The following ARB2A variants were observed in gnomAD, a reference collection of about 807,000 sequenced individuals.
The protein encoded by ARB2A is cotranscriptional regulator ARB2A.
chr5:93,621,308 C>T, the ARB2A span, among the ~76,000 whole-genome samples: 1 of 151,764 alleles, frequency 6.6e-6, no homozygotes, highest in Admixed American at 6.6e-5. Context: ...CCCCCGCCCC[C>T]TCGCGGGCGC....
the ARB2A span, among the ~76,000 whole-genome samples, chr5:93,684,370 C>T: frequency 5.3e-5 from 8 of 152,100 alleles, no homozygotes; most frequent in South Asian, 2.1e-4. Context: ...GAGGATTAAT[C>T]GACATAAATA....
the ARB2A span, among the ~76,000 whole-genome samples, chr5:93,849,505 T>C: frequency 3.9e-5 from 6 of 152,186 alleles, no homozygotes; most frequent in South Asian, 1.2e-3. Context: ...TTCTACTTGA[T>C]GAATATTCTG....
the ARB2A span, chr5:93,620,168 T>C: frequency 4.6e-5 from 7 of 152,228 alleles, no homozygotes; most frequent in Non-Finnish European, 8.8e-5. Context: ...TGATAACAGT[T>C]GGAAATTCCA....
At chr5:93,761,153 T>C in the ARB2A span, among the ~76,000 whole-genome samples, 1 of 152,166 alleles carries the variant, frequency 6.6e-6, no homozygotes, top group Non-Finnish European at 1.5e-5. Context: ...GGGTGATTTC[T>C]GCATTTCCAA....
chr5:94,107,866 C>T, the ARB2A span, among the ~76,000 whole-genome samples: 1 of 152,276 alleles, frequency 6.6e-6, no homozygotes, highest in East Asian at 1.9e-4. Context: ...AATTCCGAAC[C>T]ACATACTGAG....
chr5:93,934,500 T>A, the ARB2A span, among the ~76,000 whole-genome samples: 29 of 152,186 alleles, frequency 1.9e-4, no homozygotes, highest in Non-Finnish European at 2.9e-4. Flanking sequence ...TCCTCCCCAG[T>A]GTACATCCTA....
At chr5:93,894,409 T>TA in the ARB2A span, among the ~76,000 whole-genome samples, 142 of 148,522 alleles carry the variant, frequency 9.6e-4, 1 homozygote, top group East Asian at 4.3e-3. Flanking sequence ...TTTTTAATAT[T>TA]AAAAAAAAAA....
chr5:93,833,188 T>C, the ARB2A span, among the ~76,000 whole-genome samples: 1 of 152,288 alleles, frequency 6.6e-6, no homozygotes, highest in South Asian at 2.1e-4. Context: ...TGAAAGTAGA[T>C]TATCTTTTTA....
At chr5:93,656,521 A>C in the ARB2A span, among the ~76,000 whole-genome samples, 2 of 152,206 alleles carry the variant, frequency 1.3e-5, no homozygotes, top group Admixed American at 1.3e-4. Context: ...TCTCACGAAA[A>C]AGCTCTATCT....
the ARB2A span, chr5:93,683,304 A>T: frequency 6.2e-7 from 1 of 1,604,080 alleles, no homozygotes. Context: ...CGCTTTCCAG[A>T]TATACTTCAG....
the ARB2A span, among the ~76,000 whole-genome samples, chr5:93,693,451 T>C: frequency 6.6e-6 from 1 of 151,940 alleles, no homozygotes; most frequent in Non-Finnish European, 1.5e-5. Flanking sequence ...CTAGAAAATA[T>C]AGAAGAAATG....
the ARB2A span, among the ~76,000 whole-genome samples, chr5:93,792,357 AT>A: frequency 1.3e-5 from 2 of 152,310 alleles, no homozygotes; most frequent in Middle Eastern, 6.8e-3. Flanking sequence ...CGAAGAAGAC[AT>A]TGAAATGGTG....
chr5:93,829,482 C>G, the ARB2A span, among the ~76,000 whole-genome samples: 5 of 152,180 alleles, frequency 3.3e-5, no homozygotes, highest in Non-Finnish European at 5.9e-5. Flanking sequence ...TGTCTTCTAA[C>G]ATCATCTTGT....
At chr5:93,849,910 G>A in the ARB2A span, among the ~76,000 whole-genome samples, 1 of 152,148 alleles carries the variant, frequency 6.6e-6, no homozygotes, top group Non-Finnish European at 1.5e-5. Flanking sequence ...GATAACAGCA[G>A]CCAATATTTT....
chr5:93,941,658 G>A, the ARB2A span, among the ~76,000 whole-genome samples: 1 of 151,954 alleles, frequency 6.6e-6, no homozygotes, highest in Admixed American at 6.6e-5. Flanking sequence ...AAATACAAAG[G>A]TCAAATTATA....
At chr5:93,789,693 G>A in the ARB2A span, among the ~76,000 whole-genome samples, 1 of 152,184 alleles carries the variant, frequency 6.6e-6, no homozygotes, top group African/African-American at 2.4e-5. Context: ...CCCTGTAGAT[G>A]ACTTATCAGT....
At chr5:94,088,493 C>A in the ARB2A span, among the ~76,000 whole-genome samples, 3 of 152,032 alleles carry the variant, frequency 2.0e-5, no homozygotes, top group African/African-American at 7.2e-5. Context: ...CCAGCCCTGG[C>A]AACATAGCAA....
the ARB2A span, among the ~76,000 whole-genome samples, chr5:94,049,399 T>G: frequency 6.6e-6 from 1 of 152,144 alleles, no homozygotes; most frequent in Middle Eastern, 3.4e-3. Context: ...GGATTCAACC[T>G]CTTAAAAACA....
At chr5:93,904,237 T>G in the ARB2A span, among the ~76,000 whole-genome samples, 1 of 151,886 alleles carries the variant, frequency 6.6e-6, no homozygotes, top group East Asian at 1.9e-4. Flanking sequence ...AAGTAATAAC[T>G]ATGCTCCAAA....
Sources: gnomAD v4.1 joint callset for allele counts (sites outside exome capture counted in the v4.1 genomes callset) on GRCh38, gnomAD v4.1.1 for gene constraint, MANE v1.5 for transcripts, NCBI Gene and HGNC (gene_info 2026-07-23, HGNC 2026-07-21) for gene names.